Variants in ODAD2 observed in about 807,000 individuals in gnomAD.
ODAD2 encodes the protein outer dynein arm docking complex subunit 2.
Under a neutral mutation model 106.8 loss-of-function variants are expected in ODAD2, and 89 were observed. That is an observed-to-expected ratio of 0.83 (90% CI 0.70 to 0.99). ODAD2 has a LOEUF of 0.99. Ranked by LOEUF, ODAD2 falls within the 50% of genes least tolerant of loss-of-function variation. ODAD2 has a pLI of 0.00. For synonymous variants in ODAD2, 404 were observed against 436.2 expected (o/e 0.93, Z 0.92); for missense variants, 1,168 against 1,238.5 (o/e 0.94, Z 0.85).
intron 19 of ODAD2, among the ~76,000 whole-genome samples, chr10:27,818,947 T>A (rs553763639): frequency 6.6e-6 from 1 of 152,302 alleles, no homozygotes; most frequent in South Asian, 2.1e-4. Context: ...ACTCTGACTC[T>A]CCCAGTCACT....
intron 17 of ODAD2, among the ~76,000 whole-genome samples, chr10:27,894,834 G>C (rs1321130556): frequency 6.6e-6 from 1 of 151,910 alleles, no homozygotes; most frequent in Non-Finnish European, 1.5e-5. Flanking sequence ...TCAAGTTCTG[G>C]GGTCACAGGT....
chr10:27,836,134 C>G (rs1837864372), intron 19 of ODAD2: 1 of 152,492 alleles, frequency 6.6e-6, no homozygotes, highest in African/African-American at 2.4e-5. Flanking sequence ...CCATGCACTT[C>G]AAACTCATGC....
intron 16 of ODAD2, among the ~76,000 whole-genome samples, chr10:27,923,526 G>T (rs142600219): frequency 3.0e-3 from 458 of 152,198 alleles, no homozygotes; most frequent in African/African-American, 0.01. Flanking sequence ...TTAATAATAA[G>T]AGAATTTCAT....
At chr10:27,919,644 G>A (rs964699882) in intron 16 of ODAD2, among the ~76,000 whole-genome samples, 6 of 152,048 alleles carry the variant, frequency 3.9e-5, no homozygotes, top group Non-Finnish European at 8.8e-5. Context: ...ATTTTTTAAA[G>A]AAGACTGACA....
chr10:27,951,912 T>C (rs1847354934), intron 10 of ODAD2, among the ~76,000 whole-genome samples: 1 of 151,248 alleles, frequency 6.6e-6, no homozygotes, highest in African/African-American at 2.4e-5. Context: ...CCATCTCTAC[T>C]AAAAATACAA....
chr10:27,866,449 G>A (rs1428743028), intron 17 of ODAD2, among the ~76,000 whole-genome samples: 1 of 152,038 alleles, frequency 6.6e-6, no homozygotes, highest in African/African-American at 2.4e-5. Flanking sequence ...GAATTTCAGG[G>A]GACTTCAAAA....
At chr10:27,963,604 GACT>G (rs780148642) in intron 9 of ODAD2, among the ~76,000 whole-genome samples, 56 of 149,862 alleles carry the variant, frequency 3.7e-4, no homozygotes, top group Middle Eastern at 6.8e-3. Flanking sequence ...CCCCCCACTG[GACT>G]TAACTTGTTG....
At chr10:27,817,928 G>A (rs141592719) in intron 19 of ODAD2, among the ~76,000 whole-genome samples, 231 of 151,988 alleles carry the variant, frequency 1.5e-3, no homozygotes, top group African/African-American at 5.4e-3. Flanking sequence ...AAATTTAGAC[G>A]ATTTCTTCTA....
At chr10:27,896,573 G>T (rs1028474676) in intron 17 of ODAD2, among the ~76,000 whole-genome samples, 6 of 152,054 alleles carry the variant, frequency 3.9e-5, no homozygotes, top group African/African-American at 1.4e-4. Flanking sequence ...TTCTGGTTTT[G>T]TTCTTCCTGG....
At chr10:27,939,800 T>A in intron 14 of ODAD2, 97 bp downstream of exon 14, 1 of 550,202 alleles carries the variant, frequency 1.8e-6, no homozygotes. Flanking sequence ...TGCAGATTCC[T>A]GAGTCCCATT....
intron 17 of ODAD2, among the ~76,000 whole-genome samples, chr10:27,893,154 T>C (rs1021110186): frequency 6.6e-6 from 1 of 150,662 alleles, no homozygotes; most frequent in African/African-American, 2.4e-5. Flanking sequence ...GCCAGACTCC[T>C]TCTCAAAAAA....
chr10:27,934,986 C>T, intron 16 of ODAD2, 24 bp downstream of exon 16: 1 of 1,613,018 alleles, frequency 6.2e-7, no homozygotes, highest in Non-Finnish European at 8.5e-7. Flanking sequence ...TATATAAAAT[C>T]TTTCCATCTC....
chr10:27,924,344 GA>G (rs1845086947), intron 16 of ODAD2, among the ~76,000 whole-genome samples: 3 of 151,472 alleles, frequency 2.0e-5, no homozygotes, highest in Non-Finnish European at 1.5e-5. Context: ...TGATGATAAT[GA>G]AAGTACTATA....
At chr10:27,971,930 T>C (rs1848890532) in intron 7 of ODAD2, among the ~76,000 whole-genome samples, 1 of 152,106 alleles carries the variant, frequency 6.6e-6, no homozygotes, top group Non-Finnish European at 1.5e-5. Context: ...TAAATAAAAT[T>C]ATTCAGTCAG....
intron 15 of ODAD2, 68 bp downstream of exon 15, chr10:27,936,658 C>T (rs985312583): frequency 1.3e-6 from 2 of 1,539,884 alleles, no homozygotes; most frequent in African/African-American, 1.4e-5. Context: ...ACTAGAATGG[C>T]ATTAAATGAC....
chr10:27,882,307 T>C (rs1218642223), intron 17 of ODAD2, among the ~76,000 whole-genome samples: 1 of 152,262 alleles, frequency 6.6e-6, no homozygotes, highest in East Asian at 1.9e-4. Flanking sequence ...AAAATTTTTT[T>C]TTAAGCTCTG....
At chr10:27,900,007 GCC>G (rs1843089856) in intron 17 of ODAD2, among the ~76,000 whole-genome samples, 6 of 152,160 alleles carry the variant, frequency 3.9e-5, no homozygotes, top group Non-Finnish European at 8.8e-5. Context: ...TGACCCCAGT[GCC>G]TCCTGACTGG....
In ODAD2 at chr10:27,893,279, C is replaced by G. The variant is rs534306878; in HGVS notation, c.2610+14384G>C. 3.2e-4 allele frequency among the ~76,000 whole-genome samples: 48 copies of G among 152,324 alleles called. No individual in the cohort carries two copies. In the South Asian group the frequency reaches 7.0e-3, roughly 22 times the overall value. On this transcript the variant is annotated intron_variant, in intron 17 of 19. Coordinates refer to ENST00000305242, the MANE Select transcript of ODAD2 (RefSeq NM_018076.5). The stretch of plus-strand genomic sequence containing the variant: ...CATCTTATTTTCTTAACACATACAT[C>G]TGAAAATGTGTTCTAATGTGTATAA...
intron 17 of ODAD2, among the ~76,000 whole-genome samples, chr10:27,898,372 T>C (rs1449633750): frequency 3.3e-5 from 5 of 152,200 alleles, no homozygotes; most frequent in Non-Finnish European, 7.4e-5. Context: ...TAACAGTTTA[T>C]GTGAACCCTT....
Sources: gnomAD v4.1 joint callset for allele counts (sites outside exome capture counted in the v4.1 genomes callset) on GRCh38, gnomAD v4.1.1 for gene constraint, MANE v1.5 for transcripts, NCBI Gene and HGNC (gene_info 2026-07-23, HGNC 2026-07-21) for gene names.